Variants in PLPP4 observed in about 807,000 individuals in gnomAD.
PLPP4 encodes the protein phospholipid phosphatase 4.
A neutral mutation model predicts 32.2 loss-of-function variants in PLPP4; 20 were observed. The observed-to-expected ratio is 0.62, with a 90% CI of 0.44 to 0.90. The LOEUF is 0.90. Among genes scored for constraint, PLPP4 ranks in the 40% least tolerant of loss-of-function variants. PLPP4 has a pLI of 0.00. For missense variants in PLPP4, 257 were observed against 353.1 expected, an observed-to-expected ratio of 0.73 and a Z score of 2.18; for synonymous variants, 127 against 133.0, an observed-to-expected ratio of 0.95 and a Z score of 0.31.
chr10:120,492,520 T>C (rs1344138104), intron 1 of PLPP4, among the ~76,000 whole-genome samples: 1 of 152,206 alleles, frequency 6.6e-6, no homozygotes, highest in Non-Finnish European at 1.5e-5. Context: ...ACAGCCTGGC[T>C]CTTTACGTCC....
intron 1 of PLPP4, among the ~76,000 whole-genome samples, chr10:120,499,890 G>C (rs567749395): frequency 6.6e-6 from 1 of 152,066 alleles, no homozygotes; most frequent in Non-Finnish European, 1.5e-5. Context: ...ATGTTTCCAG[G>C]CCTGGGCATG....
rs183281350 is a variant in PLPP4 at position 120,552,538 on chromosome 10, T to C, written c.446-22593T>C. Among the ~76,000 whole-genome samples the C allele has an allele frequency of 1.9e-3, 292 of 152,322 alleles. 1 individual carries two copies. The highest frequency in any genetic ancestry group is 6.3e-3 in the African/African-American group (264 of 41,576). On this transcript the variant is annotated intron_variant, in intron 5 of 6. Coordinates refer to ENST00000398250, the MANE Select transcript of PLPP4 (RefSeq NM_001030059.3). ...TAATGTCTTGGGAAGTCTCCAGAAC[T>C]TTATTTGAATTCAATGTGCATATTT... is the stretch of plus-strand genomic sequence containing the variant.
At chr10:120,584,422 C>T (rs1004385288) in intron 6 of PLPP4, among the ~76,000 whole-genome samples, 1 of 152,226 alleles carries the variant, frequency 6.6e-6, no homozygotes, top group South Asian at 2.1e-4. Context: ...ATGTCCCATT[C>T]GTTCAGCCTG....
chr10:120,578,637 C>T (rs1345780458), intron 6 of PLPP4, among the ~76,000 whole-genome samples: 1 of 152,240 alleles, frequency 6.6e-6, no homozygotes, highest in Non-Finnish European at 1.5e-5. Flanking sequence ...TATTGACACT[C>T]CCTGGTCTTT....
intron 5 of PLPP4, among the ~76,000 whole-genome samples, chr10:120,573,391 A>G (rs1027926919): frequency 6.6e-6 from 1 of 152,146 alleles, no homozygotes; most frequent in African/African-American, 2.4e-5. Context: ...ATCGCTTTTA[A>G]GAAGGCACAT....
chr10:120,583,214 A>G (rs1029216521), intron 6 of PLPP4, among the ~76,000 whole-genome samples: 39 of 151,692 alleles, frequency 2.6e-4, no homozygotes, highest in African/African-American at 9.2e-4. Flanking sequence ...CATCTTCAGA[A>G]GCCTTTCTGC....
chr10:120,510,076 A>C (rs757571669), intron 2 of PLPP4, among the ~76,000 whole-genome samples: 4 of 152,148 alleles, frequency 2.6e-5, no homozygotes, highest in African/African-American at 4.8e-5. Context: ...AGCCTTTTCC[A>C]TGTAGGATTG....
intron 1 of PLPP4, among the ~76,000 whole-genome samples, chr10:120,477,899 G>A (rs771719469): frequency 6.6e-5 from 10 of 152,184 alleles, no homozygotes; most frequent in Non-Finnish European, 1.5e-4. Flanking sequence ...GCAGACAGGG[G>A]CCATGGCTTG....
chr10:120,466,769 C>T (rs1004981902), intron 1 of PLPP4, among the ~76,000 whole-genome samples: 49 of 151,848 alleles, frequency 3.2e-4, no homozygotes, highest in African/African-American at 1.1e-3. Context: ...TACACTCTCT[C>T]ACCTCCTAGG....
At chr10:120,520,855 G>A in intron 4 of PLPP4, 116 bp from the exon 5 acceptor site, 1 of 1,299,462 alleles carries the variant, frequency 7.7e-7, no homozygotes, top group Non-Finnish European at 1.1e-6. Context: ...CTCCAGTGTT[G>A]ACAGCCAAGG....
chr10:120,526,122 T>A (rs1291063456), intron 5 of PLPP4, among the ~76,000 whole-genome samples: 1 of 152,150 alleles, frequency 6.6e-6, no homozygotes, highest in Non-Finnish European at 1.5e-5. Flanking sequence ...AATTTTTATC[T>A]ACTAAAGCTT....
chr10:120,474,816 T>C (rs1843822706), intron 1 of PLPP4, among the ~76,000 whole-genome samples: 1 of 152,232 alleles, frequency 6.6e-6, no homozygotes, highest in Non-Finnish European at 1.5e-5. Flanking sequence ...AGAGGCATAG[T>C]TAAGGCAATT....
intron 5 of PLPP4, among the ~76,000 whole-genome samples, chr10:120,539,879 G>A (rs1422457202): frequency 6.6e-6 from 1 of 151,574 alleles, no homozygotes; most frequent in Non-Finnish European, 1.5e-5. Context: ...AAAAGTAATT[G>A]CAAAAACAAT....
In PLPP4 at chr10:120,563,113, C is replaced by G. The variant is rs1848509062; in HGVS notation, c.446-12018C>G. Among the ~76,000 whole-genome samples the G allele has an allele frequency of 1.3e-5, 2 of 152,254 alleles. 1 individual carries two copies. The highest frequency in any genetic ancestry group is 2.9e-5 in the Non-Finnish European group (2 of 68,024). On this transcript the variant is annotated intron_variant, in intron 5 of 6. Transcript: ENST00000398250. ...AATTAGCCAGGCATGTTGGCAGATA[C>G]CTATAATCCCAGCTAGTTGAGAGGC...
chr10:120,564,530 C>A (rs1848597964), intron 5 of PLPP4, among the ~76,000 whole-genome samples: 2 of 151,780 alleles, frequency 1.3e-5, no homozygotes, highest in African/African-American at 4.8e-5. Flanking sequence ...TTTCTGTTTT[C>A]TGTTTATTCT....
chr10:120,474,987 G>A (rs1412055495), intron 1 of PLPP4, among the ~76,000 whole-genome samples: 1 of 152,188 alleles, frequency 6.6e-6, no homozygotes, highest in East Asian at 1.9e-4. Flanking sequence ...TTTAAATTGA[G>A]TATTTTATGT....
chr10:120,554,051 G>A (rs1316747659), intron 5 of PLPP4, among the ~76,000 whole-genome samples: 1 of 152,204 alleles, frequency 6.6e-6, no homozygotes, highest in African/African-American at 2.4e-5. Context: ...TAGTCAGGCT[G>A]CCAACTTTCT....
At chr10:120,555,297 A>ATTTGGTACATTACAATGGTAGGTACATAC (rs1848105161) in intron 5 of PLPP4, among the ~76,000 whole-genome samples, 1 of 152,176 alleles carries the variant, frequency 6.6e-6, no homozygotes, top group South Asian at 2.1e-4. Flanking sequence ...CATAATGTAC[A>ATTTGGTACATTACAATGGTAGGTACATAC]AGCTTACAAA....
chr10:120,587,660 C>T (rs1040024327), intron 6 of PLPP4, among the ~76,000 whole-genome samples: 1 of 152,112 alleles, frequency 6.6e-6, no homozygotes, highest in African/African-American at 2.4e-5. Flanking sequence ...TAGATAGAAC[C>T]AGGATACCTA....
Sources: gnomAD v4.1 joint callset for allele counts (sites outside exome capture counted in the v4.1 genomes callset) on GRCh38, gnomAD v4.1.1 for gene constraint, MANE v1.5 for transcripts, NCBI Gene and HGNC (gene_info 2026-07-23, HGNC 2026-07-21) for gene names.